Variants in DNAH5 observed in about 807,000 individuals in gnomAD.
DNAH5 encodes axonemal beta dynein heavy chain 5.
A neutral mutation model predicts 518.2 loss-of-function variants in DNAH5; 372 were observed. The observed-to-expected ratio is 0.72, with a 90% CI of 0.66 to 0.78. The LOEUF (loss-of-function observed/expected upper bound fraction) is 0.78. DNAH5 is among the 30% of genes least tolerant of loss of function. The pLI, the probability that DNAH5 is intolerant of heterozygous loss-of-function variation, is 0.00. For synonymous variants in DNAH5, 2,039 were observed against 2,025.9 expected, an observed-to-expected ratio of 1.01 and a Z score of -0.17; for missense variants, 5,523 against 5,687.0, an observed-to-expected ratio of 0.97 and a Z score of 0.93.
At chr5:13,895,409 T>A (rs1442131008) in intron 15 of DNAH5, among the ~76,000 whole-genome samples, 1 of 152,158 alleles carries the variant, frequency 6.6e-6, no homozygotes, top group Non-Finnish European at 1.5e-5. Context: ...GGCCAAGTAA[T>A]TTTTCTAAAC....
At chr5:13,871,434 T>C in intron 23 of DNAH5, 130 bp downstream of exon 23, 1 of 789,854 alleles carries the variant, frequency 1.3e-6, no homozygotes, top group Non-Finnish European at 2.0e-6. Context: ...ATCCACAAAT[T>C]GGTTTTAAAG....
At chr5:13,895,419 C>T (rs1381623140) in intron 15 of DNAH5, among the ~76,000 whole-genome samples, 1 of 152,162 alleles carries the variant, frequency 6.6e-6, no homozygotes, top group Non-Finnish European at 1.5e-5. Flanking sequence ...TTTTTCTAAA[C>T]CATGCAGAAA....
intron 3 of DNAH5, among the ~76,000 whole-genome samples, 180 bp from the exon 4 acceptor site, chr5:13,923,620 G>T (rs1434266196): frequency 6.6e-6 from 1 of 152,190 alleles, no homozygotes; most frequent in East Asian, 1.9e-4. Context: ...AAATCTGTTT[G>T]ATTCCAGATC....
chr5:13,994,422 T>G (rs766904547), intron 1 of DNAH5, among the ~76,000 whole-genome samples: 2 of 152,158 alleles, frequency 1.3e-5, no homozygotes, highest in Non-Finnish European at 2.9e-5. Context: ...AACATAGACC[T>G]TAAAAATTAC....
At chr5:13,978,571 G>A (rs1782446162) in intron 1 of DNAH5, among the ~76,000 whole-genome samples, 1 of 152,174 alleles carries the variant, frequency 6.6e-6, no homozygotes, top group Non-Finnish European at 1.5e-5. Context: ...CTGCATACAT[G>A]ACAGTGTCCC....
intron 19 of DNAH5, among the ~76,000 whole-genome samples, chr5:13,884,161 C>A (rs1002195412): frequency 6.6e-6 from 1 of 152,016 alleles, no homozygotes; most frequent in Non-Finnish European, 1.5e-5. Context: ...CTGGAAAGTA[C>A]TAAATTAGCA....
In DNAH5 at chr5:13,754,763, C is replaced by T. The variant is rs537825877; in HGVS notation, c.10420-425G>A. 2.6e-5 allele frequency among the ~76,000 whole-genome samples: 4 copies of T among 151,616 alleles called. No homozygotes were observed. In the East Asian group the frequency reaches 8.0e-4, roughly 30 times the overall value. Reference sequence around the variant, plus strand: ...ATGTTGGTCAGGCTGGTCTCAAGCTCCCAACCTCAGGTGATCCGCCAACCT... The same window carrying T: ...ATGTTGGTCAGGCTGGTCTCAAGCTTCCAACCTCAGGTGATCCGCCAACCT... On this transcript the variant is annotated intron_variant, in intron 61 of 78. Coordinates refer to ENST00000265104, the MANE Select transcript of DNAH5 (RefSeq NM_001369.3).
In DNAH5 at chr5:13,707,171, G is replaced by A. The variant is rs964922167; in HGVS notation, c.13338+952C>T. ...CAACAGACACCGCTGACAGCGGGAC[G>A]ACGTGGAATTTGCTCAGGCATGGTC... On this transcript the variant is annotated intron_variant, in intron 76 of 78. Coordinates refer to ENST00000265104, the MANE Select transcript of DNAH5 (RefSeq NM_001369.3). The surrounding 1 kb of genome is among the most constrained non-coding windows in gnomAD (Gnocchi z 4.0). Among the ~76,000 whole-genome samples the A allele has an allele frequency of 6.6e-6, 1 of 152,196 alleles. No homozygotes were observed. The highest frequency in any genetic ancestry group is 1.9e-4 in the East Asian group (1 of 5,186).
intron 1 of DNAH5, among the ~76,000 whole-genome samples, chr5:13,992,587 T>C (rs78600030): frequency 0.027 from 4,080 of 152,334 alleles, 72 homozygotes; most frequent in South Asian, 0.046. Context: ...TTTAAAAGTC[T>C]AGTTTTCAGA....
In DNAH5 at chr5:13,732,557, C is replaced by T. The variant is rs111420823; in HGVS notation, c.11761+2574G>A. Among the ~76,000 whole-genome samples, 335 of 152,148 alleles carry T rather than the reference C, an allele frequency of 2.2e-3. 3 individuals are homozygous for T. Among genetic ancestry groups the T allele is most frequent in the African/African-American group, 7.7e-3 (320 of 41,518 alleles). ...AATTTTTTTTGTATTTTAGTAGAGA[C>T]GGTGTTTCACCATGTTGGCCAGGCT... On this transcript the variant is annotated intron_variant, in intron 68 of 78. Transcript: ENST00000265104.
chr5:13,735,413 T>C (rs929137175), intron 67 of DNAH5, 92 bp from the exon 68 acceptor site: 2 of 1,249,402 alleles, frequency 1.6e-6, no homozygotes, highest in African/African-American at 3.0e-5. Context: ...TAAGTAACTT[T>C]GGAGGAAGAA....
chr5:13,878,707 T>G (rs1771237070), intron 21 of DNAH5, among the ~76,000 whole-genome samples: 1 of 152,128 alleles, frequency 6.6e-6, no homozygotes, highest in Non-Finnish European at 1.5e-5. Flanking sequence ...CACTTTTGAG[T>G]AGCCAGAGAC....
intron 30 of DNAH5, among the ~76,000 whole-genome samples, chr5:13,858,429 G>T (rs1354256226): frequency 6.6e-6 from 1 of 152,110 alleles, no homozygotes; most frequent in African/African-American, 2.4e-5. Context: ...GGGGTGTGGG[G>T]CAAGGGGAGG....
In DNAH5 at chr5:13,896,972, A is replaced by T. The variant is rs544074288; in HGVS notation, c.2260-2151T>A. 3.3e-3 allele frequency among the ~76,000 whole-genome samples: 499 copies of T among 152,228 alleles called. 2 individuals are homozygous for T. The highest frequency in any genetic ancestry group is 5.8e-3 in the Non-Finnish European group (396 of 68,008). ...TTTGCCTAGAGTACTAGGTCCAAAG[A>T]GATTCTATAAGAAAAAATGTCCCTT... On this transcript the variant is annotated intron_variant, in intron 15 of 78. Coordinates refer to ENST00000265104, the MANE Select transcript of DNAH5 (RefSeq NM_001369.3).
chr5:13,727,135 T>C (rs1745851315), intron 70 of DNAH5, among the ~76,000 whole-genome samples: 1 of 152,228 alleles, frequency 6.6e-6, no homozygotes, highest in Admixed American at 6.5e-5. Context: ...TCTTCCTGCT[T>C]TCAGAAACAC....
intron 61 of DNAH5, among the ~76,000 whole-genome samples, chr5:13,757,759 G>A (rs1751203623): frequency 6.6e-6 from 1 of 152,110 alleles, no homozygotes; most frequent in Non-Finnish European, 1.5e-5. Flanking sequence ...TTTCAAAAGT[G>A]CTACTTCTTT....
intron 1 of DNAH5, among the ~76,000 whole-genome samples, chr5:13,955,327 C>G (rs1780690263): frequency 6.6e-6 from 1 of 152,130 alleles, no homozygotes; most frequent in Admixed American, 6.5e-5. Flanking sequence ...CCTGTGGAAA[C>G]ATGAATCAAT....
At chr5:13,793,442 T>A (rs370043944) in intron 49 of DNAH5, 73 bp downstream of exon 49, 1 of 1,309,874 alleles carries the variant, frequency 7.6e-7, no homozygotes. Flanking sequence ...GGGTCTTGGG[T>A]GAAGATTTTC....
At chr5:13,737,177 C>T in intron 66 of DNAH5, 75 bp downstream of exon 66, 1 of 1,592,564 alleles carries the variant, frequency 6.3e-7, no homozygotes, top group Non-Finnish European at 8.6e-7. Context: ...TCCCTCACAT[C>T]CTTCCATTTC....
Sources: gnomAD v4.1 joint callset for allele counts (sites outside exome capture counted in the v4.1 genomes callset) on GRCh38, gnomAD v4.1.1 for gene constraint, Gnocchi (gnomAD v3.1) non-coding constraint, MANE v1.5 for transcripts, NCBI Gene and HGNC (gene_info 2026-07-23, HGNC 2026-07-21) for gene names.